The following RTL4 variants were observed in gnomAD, a reference collection of about 807,000 sequenced individuals.
RTL4 encodes retrotransposon Gag-like protein 4.
In RTL4, 4 loss-of-function variants were observed where a neutral mutation model predicts 5.3. The observed-to-expected ratio is 0.75, with a 90% CI of 0.37 to 1.72. The LOEUF (loss-of-function observed/expected upper bound fraction) is 1.72, where lower values mean the gene tolerates loss of function less well. Ranked by LOEUF, RTL4 falls within the 40% of genes most tolerant of loss-of-function variation. The pLI is 0.04. For missense variants in RTL4, 260 were observed against 227.1 expected (o/e 1.14, Z -0.93); for synonymous variants, 98 against 87.3 (o/e 1.12, Z -0.68).
the RTL4 span, among the ~76,000 whole-genome samples, chrX:112,412,608 G>T: frequency 2.7e-5 from 3 of 111,377 alleles, no homozygotes; most frequent in Non-Finnish European, 5.7e-5. Flanking sequence ...TTAAGGAAAG[G>T]TCAGTCTCTT....
At chrX:112,351,466 G>T in the RTL4 span, among the ~76,000 whole-genome samples, 70 of 108,902 alleles carry the variant, frequency 6.4e-4, no homozygotes, top group African/African-American at 2.3e-3. Flanking sequence ...TGACAGTGGG[G>T]TGTTAAAGTC....
the RTL4 span, among the ~76,000 whole-genome samples, chrX:112,356,895 A>C: frequency 1.8e-5 from 2 of 111,483 alleles, no homozygotes. Context: ...CCAGGGACCA[A>C]GATTATGTGA....
At chrX:112,128,899 A>C in the RTL4 span, among the ~76,000 whole-genome samples, 3 of 111,466 alleles carry the variant, frequency 2.7e-5, no homozygotes, top group African/African-American at 9.7e-5. Context: ...CAAATGTAAA[A>C]GATAGCCTAC....
At chrX:112,412,983 T>C in the RTL4 span, among the ~76,000 whole-genome samples, 1 of 111,483 alleles carries the variant, frequency 9.0e-6, no homozygotes, top group East Asian at 2.8e-4. Flanking sequence ...AACTAGAATA[T>C]ATAAGGAGCT....
the RTL4 span, among the ~76,000 whole-genome samples, chrX:112,333,185 A>C: frequency 9.1e-6 from 1 of 110,477 alleles, no homozygotes; most frequent in Non-Finnish European, 1.9e-5. Flanking sequence ...CTTTAATCTA[A>C]AGTGACTCTT....
At chrX:112,161,788 T>TCTTC in the RTL4 span, among the ~76,000 whole-genome samples, 194 of 75,457 alleles carry the variant, frequency 2.6e-3, 9 homozygotes, top group African/African-American at 6.9e-3. Flanking sequence ...AGGTTGCTTT[T>TCTTC]CTTCCTTCCT....
chrX:112,120,580 G>GGTT, the RTL4 span, among the ~76,000 whole-genome samples: 1 of 93,001 alleles, frequency 1.1e-5, no homozygotes, highest in Non-Finnish European at 2.2e-5. Flanking sequence ...CCCGGCTGGG[G>GGTT]TTTTTTTTTT....
chrX:112,181,491 G>T, the RTL4 span, among the ~76,000 whole-genome samples: 1 of 110,000 alleles, frequency 9.1e-6, no homozygotes. Context: ...CAAGCTTGGT[G>T]GGGGGAAGGG....
the RTL4 span, among the ~76,000 whole-genome samples, chrX:112,088,933 A>ATAAATGTTCTT: frequency 9.3e-3 from 1,036 of 111,947 alleles, 19 homozygotes; most frequent in African/African-American, 0.032. Context: ...TTGTTGAGTT[A>ATAAATGTTCTT]TAAATGTTCT....
the RTL4 span, among the ~76,000 whole-genome samples, chrX:112,111,737 C>G: frequency 1.8e-5 from 2 of 112,388 alleles, no homozygotes; most frequent in Admixed American, 1.9e-4. Flanking sequence ...ATGGCATAAC[C>G]TGCCTTTCAT....
the RTL4 span, among the ~76,000 whole-genome samples, chrX:112,429,260 T>G: frequency 9.0e-6 from 1 of 111,559 alleles, no homozygotes; most frequent in Non-Finnish European, 1.9e-5. Flanking sequence ...TTTTTTTGGT[T>G]TTAATTAAAC....
At chrX:112,240,823 C>T in the RTL4 span, among the ~76,000 whole-genome samples, 3 of 110,541 alleles carry the variant, frequency 2.7e-5, no homozygotes, top group South Asian at 1.2e-3. Context: ...TATCCCTCCC[C>T]CCACCGCACG....
chrX:112,169,026 CTCTTTCTTTCTTTCTTTCTTTCTTTCTT>C, the RTL4 span, among the ~76,000 whole-genome samples: 2 of 49,062 alleles, frequency 4.1e-5, no homozygotes, highest in African/African-American at 1.6e-4. Context: ...CTTTCTCTTT[CTCTTTCTTTCTTTCTTTCTTTCTTTCTT>C]TCTTTCTTTC....
the RTL4 span, among the ~76,000 whole-genome samples, chrX:112,409,859 T>C: frequency 1.8e-5 from 2 of 110,299 alleles, no homozygotes; most frequent in South Asian, 7.7e-4. Flanking sequence ...AAAAAGCAAG[T>C]GTAAGTTCTT....
chrX:112,400,353 G>A, the RTL4 span, among the ~76,000 whole-genome samples: 6 of 111,200 alleles, frequency 5.4e-5, no homozygotes, highest in Non-Finnish European at 1.1e-4. Flanking sequence ...TGTAATATCC[G>A]CTCTGACATT....
the RTL4 span, among the ~76,000 whole-genome samples, chrX:112,085,767 T>C: frequency 8.9e-6 from 1 of 112,163 alleles, no homozygotes; most frequent in South Asian, 3.7e-4. Flanking sequence ...GACCATATTT[T>C]AACCTTAATT....
At chrX:112,243,591 T>C in the RTL4 span, among the ~76,000 whole-genome samples, 1 of 111,805 alleles carries the variant, frequency 8.9e-6, no homozygotes, top group African/African-American at 3.3e-5. Flanking sequence ...CTCTCTTTTC[T>C]TCTTTATTAG....
At chrX:112,428,745 G>T in the RTL4 span, among the ~76,000 whole-genome samples, 1 of 110,344 alleles carries the variant, frequency 9.1e-6, no homozygotes, top group South Asian at 4.0e-4. Flanking sequence ...TTCTAAGATA[G>T]AAATGTTAAA....
the RTL4 span, among the ~76,000 whole-genome samples, chrX:112,264,103 C>G: frequency 9.0e-6 from 1 of 111,446 alleles, no homozygotes; most frequent in South Asian, 3.8e-4. Context: ...AGATTCATGA[C>G]AGTCAAGTGT....
Sources: allele counts gnomAD v4.1 joint callset (sites outside exome capture counted in the v4.1 genomes callset), GRCh38; gene constraint gnomAD v4.1.1; transcripts MANE v1.5; gene names NCBI Gene and HGNC (gene_info 2026-07-23, HGNC 2026-07-21).